The following ELAVL1 variants were observed in gnomAD, a reference collection of about 807,000 sequenced individuals.
ELAVL1 encodes ELAV like RNA binding protein 1, also known as ELAV-like protein 1.
In ELAVL1, 1 loss-of-function variant was observed where a neutral mutation model predicts 28.4. That is an observed-to-expected ratio of 0.04 (90% CI 0.01 to 0.17). The LOEUF (loss-of-function observed/expected upper bound fraction) is 0.17, where lower values mean the gene tolerates loss of function less well. Among genes scored for constraint, ELAVL1 ranks in the 10% least tolerant of loss-of-function variants. ELAVL1 has a pLI of 1.00. For synonymous variants in ELAVL1, 174 were observed against 183.5 expected (o/e 0.95, Z 0.42); for missense variants, 157 against 447.2 (o/e 0.35, Z 5.85).
intron 3 of ELAVL1, among the ~76,000 whole-genome samples, chr19:7,974,580 C>T (rs1300380445): frequency 1.3e-5 from 2 of 152,138 alleles, no homozygotes; most frequent in Non-Finnish European, 2.9e-5. Context: ...GTGCAGACCC[C>T]ATGGGCCCAG....
chr19:7,965,295 C>G (rs555111931), intron 5 of ELAVL1, among the ~76,000 whole-genome samples: 1 of 152,316 alleles, frequency 6.6e-6, no homozygotes, highest in South Asian at 2.1e-4. Flanking sequence ...AGGCTGGTCT[C>G]AAATTCCTGG....
At position 7,999,837 on chromosome 19, in the gene ELAVL1, T is replaced by C. The variant is rs1461936354; in HGVS notation, c.-17+5658A>G. On this transcript the variant is annotated intron_variant, in intron 1 of 5. Transcript: ENST00000407627. ...TGTCACCCAGGCTGGAGTGCAGTGG[T>C]GCGATCTTGGCTCACTGCAACCTCC... Among the ~76,000 whole-genome samples the C allele has an allele frequency of 2.6e-5, 4 of 152,120 alleles. No homozygotes were observed. In the East Asian group the frequency reaches 7.7e-4, roughly 29 times the overall value.
At chr19:7,994,564 T>G (rs1399037073) in intron 1 of ELAVL1, among the ~76,000 whole-genome samples, 1 of 152,214 alleles carries the variant, frequency 6.6e-6, no homozygotes, top group Non-Finnish European at 1.5e-5. Context: ...AAAAAGACAC[T>G]GAACTTCATC....
chr19:7,972,102 G>A (rs1394932512), intron 4 of ELAVL1, among the ~76,000 whole-genome samples: 1 of 152,220 alleles, frequency 6.6e-6, no homozygotes, highest in Admixed American at 6.5e-5. Context: ...TGTGTGGGAA[G>A]AATATGAAAA....
At position 7,996,374 on chromosome 19, in the gene ELAVL1, G is replaced by C. The variant is rs574700053; in HGVS notation, c.-16-4543C>G. On this transcript the variant is annotated intron_variant, in intron 1 of 5. Coordinates refer to ENST00000407627, the MANE Select transcript of ELAVL1 (RefSeq NM_001419.3). Reference sequence around the variant, plus strand: ...TTTTTTGTATTTTTAGTAGAGACGGGGTTTCACCGTGTTAGCCAGGATGGT... The same window carrying C: ...TTTTTTGTATTTTTAGTAGAGACGGCGTTTCACCGTGTTAGCCAGGATGGT... 4.0e-3 allele frequency among the ~76,000 whole-genome samples: 601 copies of C among 151,862 alleles called. 5 individuals are homozygous for C. Among genetic ancestry groups the C allele is most frequent in the African/African-American group, 0.013 (555 of 41,470 alleles).
chr19:7,986,998 A>G (rs998368637), intron 2 of ELAVL1, among the ~76,000 whole-genome samples: 2 of 151,846 alleles, frequency 1.3e-5, no homozygotes, highest in Non-Finnish European at 2.9e-5. Flanking sequence ...AGGAGCAAAC[A>G]TGACTCATAT....
Position 7,961,135 on chromosome 19 carries a change from GAAT to G in ELAVL1, c.*2345_*2347del, listed in dbSNP as rs1984794528. 1 of 152,260 alleles carries G rather than the reference GAAT, an allele frequency of 6.6e-6. No individual in the cohort carries two copies. The highest frequency in any genetic ancestry group is 2.4e-5 in the African/African-American group (1 of 41,464). 9.4% of individuals were successfully genotyped at this position (152,260 alleles called of 1,614,324 possible). A position where few individuals can be genotyped will look rare whatever the true frequency, so the allele number is the denominator to read the frequency against. On this transcript the variant is annotated 3_prime_UTR_variant, in exon 6 of 6. Transcript: ENST00000407627. ...TTTCTTCTCACCTGTCCCAGCATCA[GAAT>G]AATTGATAGGATTCAGATAAAAGGG...
At chr19:7,983,229 G>C (rs930824338) in intron 2 of ELAVL1, among the ~76,000 whole-genome samples, 1 of 152,190 alleles carries the variant, frequency 6.6e-6, no homozygotes, top group East Asian at 1.9e-4. Context: ...TGGGGCCCTG[G>C]ACAAAGTGAG....
In ELAVL1 at chr19:7,961,645, G is replaced by C. The variant is rs1258843614; in HGVS notation, c.*1838C>G. On this transcript the variant is annotated 3_prime_UTR_variant, in exon 6 of 6. Coordinates refer to ENST00000407627, the MANE Select transcript of ELAVL1 (RefSeq NM_001419.3). ...AGAAAGGAGGTCCTCTCTGGCACCA[G>C]GCCGACTTTTATGAGACACAGCCTG... The C allele has an allele frequency of 6.6e-6, 1 of 152,212 alleles. No homozygotes were observed. Among genetic ancestry groups the C allele is most frequent in the African/African-American group, 2.4e-5 (1 of 41,432 alleles). The allele number at this position is 152,212 out of a possible 1,614,324, so 9.4% of individuals were successfully genotyped here. A position where few individuals can be genotyped will look rare whatever the true frequency, so the allele number is the denominator to read the frequency against.
chr19:7,961,460 G>A lies in ELAVL1; in HGVS notation c.*2023C>T, dbSNP rs1984806373. Reference sequence around the variant, plus strand: ...TGGCTCCCACCTTCCATCAGAAGATGCTGGCCCAGGGAAACCTGAAAGGCT... The same window carrying A: ...TGGCTCCCACCTTCCATCAGAAGATACTGGCCCAGGGAAACCTGAAAGGCT... On this transcript the variant is annotated 3_prime_UTR_variant, in exon 6 of 6. Transcript: ENST00000407627. The A allele has an allele frequency of 6.6e-6, 1 of 151,990 alleles. No individual in the cohort carries two copies. Among genetic ancestry groups the A allele is most frequent in the Admixed American group, 6.6e-5 (1 of 15,250 alleles). 9.4% of individuals were successfully genotyped at this position (151,990 alleles called of 1,614,324 possible).
chr19:7,991,548 T>C, intron 2 of ELAVL1, 96 bp downstream of exon 2: 2 of 1,267,738 alleles, frequency 1.6e-6, no homozygotes, highest in South Asian at 1.4e-5. Context: ...GTAGTTATCC[T>C]GCACTGAGGA....
At chr19:7,964,321 A>AG (rs751546817) in intron 5 of ELAVL1, among the ~76,000 whole-genome samples, 4 of 152,124 alleles carry the variant, frequency 2.6e-5, no homozygotes, top group Non-Finnish European at 5.9e-5. Context: ...CGCCTTTGCC[A>AG]GGGCCACTTG....
chr19:8,002,294 G>A, intron 1 of ELAVL1: 1 of 416,784 alleles, frequency 2.4e-6, no homozygotes, highest in Non-Finnish European at 4.6e-6. Context: ...AAGCATTCTG[G>A]GCTCTCCTGT....
chr19:7,992,657 T>C (rs773819769), intron 1 of ELAVL1, among the ~76,000 whole-genome samples: 1 of 152,158 alleles, frequency 6.6e-6, no homozygotes, highest in Non-Finnish European at 1.5e-5. Context: ...TTTTGCATGA[T>C]ATATAGTGGT....
chr19:7,983,540 C>T (rs947106397), intron 2 of ELAVL1, among the ~76,000 whole-genome samples: 3 of 152,170 alleles, frequency 2.0e-5, no homozygotes, highest in African/African-American at 4.8e-5. Context: ...TTGACCACGA[C>T]GCCAGCCTGG....
rs1329545368 is a variant in ELAVL1, at chr19:7,963,748, T to C, written c.716A>G (p.Asn239Ser). ...SGLSGVNVPG[N>S]ASSGWCIFIY... ...GAAAATGCACCAGCCGGAGGAGGCG[T>C]TTCCTGGCACGTTGACGCCAGAGAG... Residue 239 changes from asparagine (N) to serine (S), a missense_variant, in exon 6 of 6, where the codon AAC becomes AGC. Physicochemically the swap from Asn to Ser is conservative, Grantham distance 46. Around this residue, in one of 4 missense-constraint regions of ELAVL1, gnomAD observed 107 missense variants for 310.4 expected, o/e 0.34. Transcript: ENST00000407627. This position sits in a 1 kb window ranked among gnomAD's most constrained non-coding sequence, Gnocchi z 4.5. 1 of 1,614,224 alleles carries C rather than the reference T, an allele frequency of 6.2e-7. No individual in the cohort carries two copies. Among genetic ancestry groups the C allele is most frequent in the Non-Finnish European group, 8.5e-7 (1 of 1,180,032 alleles).
chr19:7,977,138 G>A (rs1285555392), intron 3 of ELAVL1, among the ~76,000 whole-genome samples: 1 of 152,212 alleles, frequency 6.6e-6, no homozygotes, highest in Non-Finnish European at 1.5e-5. Flanking sequence ...GTGCGCAGTA[G>A]CCACTGCTGT....
At chr19:8,000,515 T>G (rs1298820254) in intron 1 of ELAVL1, among the ~76,000 whole-genome samples, 2 of 152,206 alleles carry the variant, frequency 1.3e-5, no homozygotes, top group Non-Finnish European at 2.9e-5. Context: ...CAAATCTATC[T>G]TCAGGCTCAA....
intron 1 of ELAVL1, among the ~76,000 whole-genome samples, chr19:7,996,678 T>C (rs1158145520): frequency 6.7e-6 from 1 of 149,310 alleles, no homozygotes; most frequent in African/African-American, 2.5e-5. Context: ...CAAGGCGTGG[T>C]GGTGGGCATC....
Sources: allele counts gnomAD v4.1 joint callset (sites outside exome capture counted in the v4.1 genomes callset), GRCh38; gene constraint gnomAD v4.1.1; regional missense constraint gnomAD v4.1.1; non-coding constraint Gnocchi (gnomAD v3.1); transcripts MANE v1.5; gene names NCBI Gene and HGNC (gene_info 2026-07-23, HGNC 2026-07-21).